The following SLC12A8 variants were observed in gnomAD, a reference collection of about 807,000 sequenced individuals.
SLC12A8 encodes the protein solute carrier family 12 member 8, also known as cation-chloride cotransporter 9.
SLC12A8 carries 69 observed loss-of-function variants against 75.6 expected under a neutral mutation model. The observed-to-expected ratio is 0.91, with a 90% CI of 0.75 to 1.11. The LOEUF is 1.11. SLC12A8 is among the 50% of genes most tolerant of loss of function. The probability of loss-of-function intolerance (pLI) is 0.00; values close to 1 mark genes in which losing one functional copy is unlikely to be tolerated. For synonymous variants in SLC12A8, 365 were observed against 372.8 expected (o/e 0.98, Z 0.24); for missense variants, 877 against 896.7 (o/e 0.98, Z 0.28).
intron 2 of SLC12A8, among the ~76,000 whole-genome samples, chr3:125,196,131 T>C (rs184904839): frequency 6.6e-6 from 1 of 152,370 alleles, no homozygotes; most frequent in African/African-American, 2.4e-5. Flanking sequence ...TTTGGAATCA[T>C]GTTAATATTT....
rs544834192 is a variant in SLC12A8, at chr3:125,210,587, C to T, written c.51+712G>A. 9.8e-5 allele frequency among the ~76,000 whole-genome samples: 15 copies of T among 152,320 alleles called. No homozygotes were observed. The South Asian group carries it at 2.3e-3, about 23-fold the overall frequency. On this transcript the variant is annotated intron_variant, in intron 2 of 13. Coordinates refer to ENST00000469902, the MANE Select transcript of SLC12A8 (RefSeq NM_024628.6). Reference sequence around the variant, plus strand: ...GGGTTTCTTGTTCATTGTTGATTCTCTCCCCTCTGATGGGGCTTGTCCCCC... The same window carrying T: ...GGGTTTCTTGTTCATTGTTGATTCTTTCCCCTCTGATGGGGCTTGTCCCCC...
At chr3:125,201,422 G>A (rs889583009) in intron 2 of SLC12A8, among the ~76,000 whole-genome samples, 8 of 151,816 alleles carry the variant, frequency 5.3e-5, no homozygotes, top group African/African-American at 1.9e-4. Context: ...AAAAACAAAA[G>A]GAATGTAAAT....
At chr3:125,099,600 C>T (rs1256051900) in intron 10 of SLC12A8, among the ~76,000 whole-genome samples, 1 of 152,084 alleles carries the variant, frequency 6.6e-6, no homozygotes, top group Non-Finnish European at 1.5e-5. Context: ...ATTCGGATGA[C>T]AATGACTTTA....
At chr3:125,126,310 G>A (rs1933205592) in intron 6 of SLC12A8, among the ~76,000 whole-genome samples, 1 of 152,210 alleles carries the variant, frequency 6.6e-6, no homozygotes. Context: ...CAGTTTCGAT[G>A]GATGGCACCA....
chr3:125,177,209 G>A (rs1934551834), intron 5 of SLC12A8, among the ~76,000 whole-genome samples: 1 of 151,092 alleles, frequency 6.6e-6, no homozygotes. Flanking sequence ...ATCATTCTCA[G>A]CAAACTATCG....
At chr3:125,158,176 C>T (rs1007438923) in intron 5 of SLC12A8, among the ~76,000 whole-genome samples, 15 of 151,906 alleles carry the variant, frequency 9.9e-5, no homozygotes. Flanking sequence ...CATTTCTCTG[C>T]TTATATTTGT....
intron 7 of SLC12A8, among the ~76,000 whole-genome samples, chr3:125,119,556 A>C (rs1371290340): frequency 6.6e-6 from 1 of 152,174 alleles, no homozygotes; most frequent in Non-Finnish European, 1.5e-5. Context: ...TTCCTCCTGG[A>C]ACCTCCCAGC....
At chr3:125,157,997 CAA>C (rs1560071116) in intron 5 of SLC12A8, among the ~76,000 whole-genome samples, 1 of 151,652 alleles carries the variant, frequency 6.6e-6, no homozygotes, top group Non-Finnish European at 1.5e-5. Context: ...GGGGAGGAGA[CAA>C]AGAAATACAG....
At chr3:125,113,528 C>A (rs1289785163) in intron 8 of SLC12A8, among the ~76,000 whole-genome samples, 1 of 152,130 alleles carries the variant, frequency 6.6e-6, no homozygotes, top group African/African-American at 2.4e-5. Flanking sequence ...TGGTGCTAGG[C>A]AGAGCAAGGC....
At chr3:125,173,910 G>A (rs749194287) in intron 5 of SLC12A8, among the ~76,000 whole-genome samples, 1 of 152,182 alleles carries the variant, frequency 6.6e-6, no homozygotes, top group Non-Finnish European at 1.5e-5. Flanking sequence ...GGCCAACATG[G>A]TGAAACCCCA....
chr3:125,205,939 C>A (rs1278981877), intron 2 of SLC12A8, among the ~76,000 whole-genome samples: 2 of 152,140 alleles, frequency 1.3e-5, no homozygotes, highest in Admixed American at 6.5e-5. Flanking sequence ...CCCCAGTGTC[C>A]TCATCTTAAA....
rs1010548454 is a variant in SLC12A8 at position 125,110,644 on chromosome 3, G to T, written c.913-309C>A. The T allele has an allele frequency of 1.4e-5, 3 of 220,446 alleles. No individual in the cohort carries two copies. In the East Asian group the frequency reaches 2.8e-4, roughly 20 times the overall value. The allele number at this position is 220,446 out of a possible 1,614,324, so 13.7% of individuals were successfully genotyped here. Reference sequence around the variant, plus strand: ...AGAGTTCCTGGTTCAGTAGGCTTGGGGTGGGGCCTAGAAATCTGGATTCCG... The same window carrying T: ...AGAGTTCCTGGTTCAGTAGGCTTGGTGTGGGGCCTAGAAATCTGGATTCCG... On this transcript the variant is annotated intron_variant, in intron 8 of 13. Transcript: ENST00000469902.
intron 12 of SLC12A8, among the ~76,000 whole-genome samples, chr3:125,090,445 A>G (rs1214745041): frequency 6.6e-6 from 1 of 152,164 alleles, no homozygotes; most frequent in East Asian, 1.9e-4. Flanking sequence ...AGGTTTGTTG[A>G]TAGTGTTATT....
At chr3:125,120,307 G>A (rs181727143) in intron 7 of SLC12A8, among the ~76,000 whole-genome samples, 5 of 151,548 alleles carry the variant, frequency 3.3e-5, no homozygotes, top group African/African-American at 9.7e-5. Flanking sequence ...AAATGGGGGT[G>A]GGGGAGGGAC....
intron 5 of SLC12A8, among the ~76,000 whole-genome samples, chr3:125,174,854 A>G (rs1934485627): frequency 6.6e-6 from 1 of 152,244 alleles, no homozygotes; most frequent in Admixed American, 6.5e-5. Flanking sequence ...TTTTTAGGGC[A>G]GTGAAACTCA....
chr3:125,145,634 G>A (rs1933752975), intron 5 of SLC12A8, among the ~76,000 whole-genome samples: 1 of 151,920 alleles, frequency 6.6e-6, no homozygotes, highest in South Asian at 2.1e-4. Flanking sequence ...GTGGAGGCCT[G>A]AAATGGCAGA....
At chr3:125,099,581 G>A (rs1192947639) in intron 10 of SLC12A8, among the ~76,000 whole-genome samples, 3 of 152,100 alleles carry the variant, frequency 2.0e-5, no homozygotes, top group African/African-American at 7.2e-5. Context: ...TAATGTTAAT[G>A]AGAAAAAAAT....
chr3:125,087,010 A>G (rs1039660426), intron 13 of SLC12A8, among the ~76,000 whole-genome samples: 1 of 152,160 alleles, frequency 6.6e-6, no homozygotes, highest in East Asian at 1.9e-4. Flanking sequence ...TAGCACAGCA[A>G]CGTGAATGTC....
chr3:125,109,242 C>T (rs186635748), intron 9 of SLC12A8, among the ~76,000 whole-genome samples: 1 of 152,274 alleles, frequency 6.6e-6, no homozygotes, highest in Non-Finnish European at 1.5e-5. Flanking sequence ...GTACTCCCTC[C>T]CTTGGTGAGC....
Sources: gnomAD v4.1 joint callset for allele counts (sites outside exome capture counted in the v4.1 genomes callset) on GRCh38, gnomAD v4.1.1 for gene constraint, MANE v1.5 for transcripts, NCBI Gene and HGNC (gene_info 2026-07-23, HGNC 2026-07-21) for gene names.